SSBP2: variants seen among roughly 807,000 people sequenced by gnomAD.
SSBP2 encodes single-stranded DNA-binding protein 2.
In SSBP2, 17 loss-of-function variants were observed where a neutral mutation model predicts 61.8. That is an observed-to-expected ratio of 0.28 (90% confidence interval 0.19 to 0.41). The LOEUF (loss-of-function observed/expected upper bound fraction) is 0.41. Among genes scored for constraint, SSBP2 ranks in the 10% least tolerant of loss-of-function variants. The probability of loss-of-function intolerance (pLI) is 1.00; values close to 1 mark genes in which losing one functional copy is unlikely to be tolerated. For missense variants in SSBP2, 310 were observed against 458.7 expected, an observed-to-expected ratio of 0.68 and a Z score of 2.96; for synonymous variants, 139 against 141.3, an observed-to-expected ratio of 0.98 and a Z score of 0.12.
At chr5:81,466,899 G>A in intron 9 of SSBP2, 75 bp downstream of exon 9, 1 of 914,146 alleles carries the variant, frequency 1.1e-6, no homozygotes, top group South Asian at 2.4e-5. Context: ...TTACTAAATA[G>A]AATAATATGG....
At chr5:81,544,303 A>G (rs1049918283) in intron 4 of SSBP2, among the ~76,000 whole-genome samples, 3 of 151,876 alleles carry the variant, frequency 2.0e-5, no homozygotes, top group Non-Finnish European at 2.9e-5. Context: ...CCCCTCAGCC[A>G]CCCAAGGTGC....
intron 1 of SSBP2, among the ~76,000 whole-genome samples, chr5:81,689,725 A>G (rs1264276764): frequency 6.6e-6 from 1 of 152,196 alleles, no homozygotes; most frequent in African/African-American, 2.4e-5. Flanking sequence ...ATATGAAAGA[A>G]AAGAACATTA....
At chr5:81,551,755 AT>A (rs1290293975) in intron 4 of SSBP2, among the ~76,000 whole-genome samples, 1 of 152,186 alleles carries the variant, frequency 6.6e-6, no homozygotes, top group Non-Finnish European at 1.5e-5. Context: ...GTTTTGTGGA[AT>A]GTAAAAATGT....
chr5:81,743,756 CAAAG>C (rs1004622991), intron 1 of SSBP2, among the ~76,000 whole-genome samples: 26 of 152,188 alleles, frequency 1.7e-4, no homozygotes, highest in South Asian at 4.2e-4. Flanking sequence ...TGGTGAGACA[CAAAG>C]AAAGAAAAAC....
chr5:81,520,157 G>C (rs1436524055), intron 4 of SSBP2, among the ~76,000 whole-genome samples: 2 of 151,798 alleles, frequency 1.3e-5, no homozygotes, highest in African/African-American at 4.8e-5. Flanking sequence ...GCTATTTTTT[G>C]TATTTTTAGT....
chr5:81,462,749 G>C (rs1266277452), intron 9 of SSBP2, among the ~76,000 whole-genome samples: 1 of 152,040 alleles, frequency 6.6e-6, no homozygotes, highest in Non-Finnish European at 1.5e-5. Flanking sequence ...ACATCCACAT[G>C]ATTTGTTTGA....
intron 4 of SSBP2, among the ~76,000 whole-genome samples, chr5:81,599,859 C>T (rs920108558): frequency 1.3e-5 from 2 of 152,242 alleles, no homozygotes; most frequent in African/African-American, 4.8e-5. Context: ...TCCTGGAAGA[C>T]TTCCTTCACC....
At position 81,420,000 on chromosome 5, in the gene SSBP2, C is replaced by T. The variant is rs1761496875; in HGVS notation, c.*504G>A. 6.6e-6 allele frequency: 1 copy of T among 152,668 alleles called. No individual in the cohort carries two copies. Among genetic ancestry groups the T allele is most frequent in the African/African-American group, 2.4e-5 (1 of 41,438 alleles). The allele number at this position is 152,668 out of a possible 1,614,324, so 9.5% of individuals were successfully genotyped here. ...ATTGCAGACATTTACAAAACCATAACATCTGAGTTCACCTTAAAAAATAAC... is the reference window on the plus strand; with the variant it reads ...ATTGCAGACATTTACAAAACCATAATATCTGAGTTCACCTTAAAAAATAAC... On this transcript the variant is annotated 3_prime_UTR_variant, in exon 17 of 17. Coordinates refer to ENST00000320672, the MANE Select transcript of SSBP2 (RefSeq NM_012446.5).
At chr5:81,744,344 T>C (rs1439127629) in intron 1 of SSBP2, among the ~76,000 whole-genome samples, 1 of 152,194 alleles carries the variant, frequency 6.6e-6, no homozygotes, top group Non-Finnish European at 1.5e-5. Context: ...TCATCTAAAA[T>C]AGACAAATAA....
intron 1 of SSBP2, among the ~76,000 whole-genome samples, chr5:81,742,871 C>A (rs1180449275): frequency 7.2e-5 from 11 of 151,958 alleles, no homozygotes; most frequent in African/African-American, 2.7e-4. Context: ...AAGAGCAAAA[C>A]TCCATCTCAA....
chr5:81,735,314 T>A (rs955191620), intron 1 of SSBP2, among the ~76,000 whole-genome samples: 2 of 152,216 alleles, frequency 1.3e-5, no homozygotes, highest in African/African-American at 4.8e-5. Flanking sequence ...CATAGGACTT[T>A]TTTATTACTT....
At chr5:81,494,149 T>C (rs558270575) in intron 5 of SSBP2, among the ~76,000 whole-genome samples, 1 of 152,340 alleles carries the variant, frequency 6.6e-6, no homozygotes, top group Admixed American at 6.5e-5. Context: ...TTTCAATCTG[T>C]TGTCTTTCCT....
chr5:81,608,685 G>A (rs1006059870), intron 4 of SSBP2, among the ~76,000 whole-genome samples: 1 of 152,046 alleles, frequency 6.6e-6, no homozygotes, highest in African/African-American at 2.4e-5. Flanking sequence ...GAACTGTAAT[G>A]GATTGAGATG....
intron 15 of SSBP2, among the ~76,000 whole-genome samples, chr5:81,436,185 CAAAAA>C (rs34499225): frequency 1.2e-3 from 66 of 54,566 alleles, no homozygotes; most frequent in African/African-American, 4.1e-3. Flanking sequence ...AAGACTCCAT[CAAAAA>C]AAAAAAAAAA....
chr5:81,647,886 C>A (rs528078649), intron 2 of SSBP2, among the ~76,000 whole-genome samples: 4 of 152,158 alleles, frequency 2.6e-5, no homozygotes, highest in South Asian at 2.1e-4. Context: ...TTTGCTTAAT[C>A]CACATAATGC....
chr5:81,660,248 G>C (rs1361423418), intron 1 of SSBP2, among the ~76,000 whole-genome samples: 2 of 152,086 alleles, frequency 1.3e-5, no homozygotes, highest in Non-Finnish European at 2.9e-5. Context: ...CAGAATGGGA[G>C]AAAATTTTTG....
chr5:81,457,308 A>C (rs1457508230), intron 10 of SSBP2, among the ~76,000 whole-genome samples: 1 of 152,230 alleles, frequency 6.6e-6, no homozygotes, highest in Admixed American at 6.5e-5. Flanking sequence ...TATATACATA[A>C]ATGAATATGA....
At chr5:81,420,672 A>G in intron 16 of SSBP2, 139 bp from the exon 17 acceptor site, 2 of 681,196 alleles carry the variant, frequency 2.9e-6, no homozygotes, top group South Asian at 3.9e-5. Context: ...ACAACATAAA[A>G]TAAGAAACTA....
At chr5:81,638,695 T>C (rs1332263169) in intron 2 of SSBP2, among the ~76,000 whole-genome samples, 1 of 152,146 alleles carries the variant, frequency 6.6e-6, no homozygotes, top group Non-Finnish European at 1.5e-5. Flanking sequence ...ATATTCAAAG[T>C]ATTTAGGGTT....
Sources: gnomAD v4.1 joint callset for allele counts (sites outside exome capture counted in the v4.1 genomes callset) on GRCh38, gnomAD v4.1.1 for gene constraint, MANE v1.5 for transcripts, NCBI Gene and HGNC (gene_info 2026-07-23, HGNC 2026-07-21) for gene names.